UTY: variants seen among roughly 807,000 people sequenced by gnomAD.
UTY encodes the protein histone demethylase UTY.
UTY carries 12 observed loss-of-function variants against 32.5 expected under a neutral mutation model. The observed-to-expected ratio is 0.37, with a 90% CI of 0.24 to 0.60. UTY has a LOEUF of 0.60. Ranked by LOEUF, UTY falls within the 20% of genes least tolerant of loss-of-function variation. UTY has a pLI of 0.69. For missense variants in UTY, 303 were observed against 299.2 expected (o/e 1.01, Z -0.09); for synonymous variants, 131 against 103.4 (o/e 1.27, Z -1.62).
intron 17 of UTY, among the ~76,000 whole-genome samples, chrY:13,342,440 G>A (rs2061560193): frequency 3.0e-5 from 1 of 33,770 alleles, no homozygotes; most frequent in Non-Finnish European, 7.4e-5. Flanking sequence ...CTGCTTGGGC[G>A]AATTCCTGCT....
At chrY:13,334,115 A>T (rs2060885895) in intron 18 of UTY, among the ~76,000 whole-genome samples, 1 of 33,667 alleles carries the variant, frequency 3.0e-5, no homozygotes, top group Non-Finnish European at 7.4e-5. Flanking sequence ...TTTCGCCCTG[A>T]ACGTCTGCTT....
chrY:13,428,625 T>C (rs2073641225), intron 4 of UTY, among the ~76,000 whole-genome samples: 1 of 33,729 alleles, frequency 3.0e-5, no homozygotes, highest in Non-Finnish European at 7.4e-5. Flanking sequence ...GGTAATACGA[T>C]ACCTCCAGCT....
At chrY:13,350,685 G>A (rs777898564) in intron 17 of UTY, among the ~76,000 whole-genome samples, 3 of 32,494 alleles carry the variant, frequency 9.2e-5, no homozygotes, top group Admixed American at 2.8e-4. Flanking sequence ...AAGTAAAAAC[G>A]CAGAAATGAA....
At chrY:13,417,530 C>CA (rs2071852924) in intron 4 of UTY, among the ~76,000 whole-genome samples, 1 of 33,276 alleles carries the variant, frequency 3.0e-5, no homozygotes. Context: ...AGACAACAAG[C>CA]AAAAAACAGT....
chrY:13,348,670 A>C, intron 17 of UTY, among the ~76,000 whole-genome samples: 1 of 34,031 alleles, frequency 2.9e-5, no homozygotes, highest in Non-Finnish European at 7.3e-5. Context: ...TCATTTTAGA[A>C]GGTTTATTAA....
At chrY:13,446,095 T>G in intron 4 of UTY, among the ~76,000 whole-genome samples, 1 of 32,702 alleles carries the variant, frequency 3.1e-5, no homozygotes, top group Admixed American at 2.8e-4. Flanking sequence ...AAATACATAT[T>G]ACTAACTTGT....
chrY:13,315,649 AG>A (rs2059442814), intron 21 of UTY, among the ~76,000 whole-genome samples: 2 of 33,011 alleles, frequency 6.1e-5, no homozygotes, highest in African/African-American at 2.4e-4. Context: ...GAGATTATTA[AG>A]GGGTTGGGGA....
intron 3 of UTY, among the ~76,000 whole-genome samples, chrY:13,466,311 A>G (rs1011436634): frequency 3.0e-5 from 1 of 33,116 alleles, no homozygotes; most frequent in Non-Finnish European, 7.4e-5. Context: ...CATGTACCCC[A>G]GAACTTAAAA....
intron 21 of UTY, among the ~76,000 whole-genome samples, chrY:13,308,968 C>T (rs2058847719): frequency 3.0e-5 from 1 of 33,149 alleles, no homozygotes; most frequent in Non-Finnish European, 7.4e-5. Flanking sequence ...CATACACACA[C>T]ACACACTCAA....
intron 17 of UTY, among the ~76,000 whole-genome samples, chrY:13,345,176 C>T: frequency 3.0e-5 from 1 of 33,235 alleles, no homozygotes. Flanking sequence ...GCAGGTATCA[C>T]ACCTTGGGTT....
chrY:13,355,916 T>C lies in UTY; in HGVS notation c.1665+7A>G, dbSNP rs1161637491. The stretch of plus-strand genomic sequence containing the variant: ...AATTTTAGAGAAAATAAAAATATTA[T>C]ACATACTTGCTGCATTAAGACAAAC... On this transcript the variant is annotated splice_region_variant and intron_variant, in intron 16 of 29. Coordinates refer to ENST00000545955, the MANE Select transcript of UTY (RefSeq NM_001258249.2). 10 of 372,226 alleles carry C rather than the reference T, an allele frequency of 2.7e-5. No individual in the cohort carries two copies. Among genetic ancestry groups the C allele is most frequent in the Non-Finnish European group, 3.4e-5 (9 of 265,924 alleles). 92.8% of individuals were successfully genotyped at this position (372,226 alleles called of 400,897 possible).
intron 3 of UTY, among the ~76,000 whole-genome samples, chrY:13,462,726 T>C: frequency 9.3e-5 from 3 of 32,200 alleles, no homozygotes; most frequent in Non-Finnish European, 2.3e-4. Flanking sequence ...ATCAAGTTGC[T>C]ATGGGCATTC....
chrY:13,299,592 G>C (rs900138808), intron 25 of UTY, among the ~76,000 whole-genome samples: 4 of 32,687 alleles, frequency 1.2e-4, no homozygotes, highest in Admixed American at 2.8e-4. Flanking sequence ...GCAACAGAGA[G>C]AGACTCTACC....
At chrY:13,432,152 T>G (rs2074104314) in intron 4 of UTY, among the ~76,000 whole-genome samples, 1 of 33,562 alleles carries the variant, frequency 3.0e-5, no homozygotes, top group Non-Finnish European at 7.4e-5. Flanking sequence ...ATTTCCACAT[T>G]CACCCAAAAT....
chrY:13,452,674 T>C (rs1603468318), intron 3 of UTY, among the ~76,000 whole-genome samples: 1 of 33,109 alleles, frequency 3.0e-5, no homozygotes, highest in East Asian at 7.8e-4. Flanking sequence ...TAAACTAGAA[T>C]ACAGAAAGAT....
chrY:13,348,731 G>A (rs2062131535), intron 17 of UTY, among the ~76,000 whole-genome samples: 2 of 33,904 alleles, frequency 5.9e-5, no homozygotes, highest in South Asian at 1.3e-3. Context: ...AAAGAATTAA[G>A]ACACTAAAGG....
intron 21 of UTY, among the ~76,000 whole-genome samples, chrY:13,312,912 G>A: frequency 9.0e-5 from 3 of 33,252 alleles, no homozygotes; most frequent in Non-Finnish European, 1.5e-4. Flanking sequence ...ACATGCTGGC[G>A]AGGATGTGAA....
At chrY:13,259,126 C>T (rs2055064498) in intron 28 of UTY, among the ~76,000 whole-genome samples, 1 of 34,661 alleles carries the variant, frequency 2.9e-5, no homozygotes, top group African/African-American at 1.1e-4. Flanking sequence ...TCCTTTAATT[C>T]GGCCCATCCC....
intron 21 of UTY, among the ~76,000 whole-genome samples, chrY:13,310,722 A>G (rs2148826133): frequency 5.9e-5 from 2 of 33,706 alleles, no homozygotes; most frequent in South Asian, 6.5e-4. Context: ...TAACATGTCA[A>G]TATTACCAAA....
Sources: gnomAD v4.1 joint callset for allele counts (sites outside exome capture counted in the v4.1 genomes callset) on GRCh38, gnomAD v4.1.1 for gene constraint, MANE v1.5 for transcripts, NCBI Gene and HGNC (gene_info 2026-07-23, HGNC 2026-07-21) for gene names.